Variants in DNAAF9 observed in about 807,000 individuals in gnomAD.
DNAAF9 encodes dynein axonemal assembly factor 9, also known as shulin.
DNAAF9 carries 90 observed loss-of-function variants against 167.0 expected under a neutral mutation model. The ratio of observed to expected loss-of-function variants is 0.54; its 90% CI spans 0.45 to 0.64. The LOEUF is 0.64. DNAAF9 is among the 30% of genes least tolerant of loss of function. The pLI is 0.00. For synonymous variants in DNAAF9, 491 were observed against 508.8 expected (o/e 0.96, Z 0.47); for missense variants, 1,315 against 1,442.2 (o/e 0.91, Z 1.43).
chr20:3,256,473 C>T (rs2068282600), intron 33 of DNAAF9, among the ~76,000 whole-genome samples: 1 of 152,138 alleles, frequency 6.6e-6, no homozygotes, highest in Non-Finnish European at 1.5e-5. Flanking sequence ...GATTGCGCCA[C>T]TGTACTCCAG....
intron 21 of DNAAF9, among the ~76,000 whole-genome samples, chr20:3,302,745 T>C (rs1000016298): frequency 3.9e-5 from 6 of 151,994 alleles, no homozygotes; most frequent in Non-Finnish European, 7.4e-5. Flanking sequence ...AACTAATATA[T>C]AGGGACAAAA....
At chr20:3,319,082 CA>C (rs71195834) in intron 16 of DNAAF9, among the ~76,000 whole-genome samples, 29,396 of 70,004 alleles carry the variant, frequency 0.42, 4,283 homozygotes, top group East Asian at 0.52. Flanking sequence ...GACTCTGTCT[CA>C]AAAAAAAAAA....
intron 1 of DNAAF9, among the ~76,000 whole-genome samples, chr20:3,387,056 T>C (rs1348413620): frequency 6.6e-6 from 1 of 152,190 alleles, no homozygotes; most frequent in Non-Finnish European, 1.5e-5. Flanking sequence ...CATGCATTGG[T>C]AGACAATATC....
chr20:3,304,097 G>T (rs191889707), intron 21 of DNAAF9, among the ~76,000 whole-genome samples: 110 of 152,346 alleles, frequency 7.2e-4, no homozygotes, highest in Non-Finnish European at 7.9e-4. Flanking sequence ...TTGAGCCCCT[G>T]GACCTGGAGG....
At chr20:3,361,271 G>A (rs1428417701) in intron 6 of DNAAF9, among the ~76,000 whole-genome samples, 1 of 152,182 alleles carries the variant, frequency 6.6e-6, no homozygotes, top group Admixed American at 6.5e-5. Flanking sequence ...TCAGAGGTGA[G>A]TGGAAGGGTT....
rs1491489182 is a variant in DNAAF9 at position 3,251,351 on chromosome 20, A to AT, written c.*1220dup. On this transcript the variant is annotated 3_prime_UTR_variant, in exon 37 of 37. Transcript: ENST00000252032. Reference sequence around the variant, plus strand: ...TTCTTCCTAAGGCATGCAAAAAAAAATATGTGAAATTCAGAAAACATTTAC... The same window carrying AT: ...TTCTTCCTAAGGCATGCAAAAAAAAATTATGTGAAATTCAGAAAACATTTAC... The AT allele has an allele frequency of 2.6e-5, 4 of 152,020 alleles. No individual in the cohort carries two copies. The highest frequency in any genetic ancestry group is 5.9e-5 in the Non-Finnish European group (4 of 67,990). The allele number at this position is 152,020 out of a possible 1,614,324, so 9.4% of individuals were successfully genotyped here. A position where few individuals can be genotyped will look rare whatever the true frequency, so the allele number is the denominator to read the frequency against.
In DNAAF9 at chr20:3,389,584, T is replaced by C. The variant is rs140128124; in HGVS notation, c.84-7078A>G. Reference sequence around the variant, plus strand: ...GAGTTTGAGACCAACATGTGCAACATAGCAAGACCCTGTCTCTACCAAAAA... The same window carrying C: ...GAGTTTGAGACCAACATGTGCAACACAGCAAGACCCTGTCTCTACCAAAAA... On this transcript the variant is annotated intron_variant, in intron 1 of 36. Coordinates refer to ENST00000252032, the MANE Select transcript of DNAAF9 (RefSeq NM_001009984.3). Among the ~76,000 whole-genome samples, 996 of 151,154 alleles carry C rather than the reference T, an allele frequency of 6.6e-3. 14 individuals carry two copies. Among genetic ancestry groups the C allele is most frequent in the African/African-American group, 0.022 (920 of 41,182 alleles).
chr20:3,340,433 T>TCCGGGGGGGGGGCCCCCCCCCCC, intron 10 of DNAAF9, 71 bp downstream of exon 10: 2 of 221,214 alleles, frequency 9.0e-6, no homozygotes, highest in East Asian at 1.2e-4. Context: ...TTTGTCTAGC[T>TCCGGGGGGGGGGCCCCCCCCCCC]CCCCCCACCC....
intron 35 of DNAAF9, 60 bp downstream of exon 35, chr20:3,255,159 C>T (rs887641045): frequency 1.9e-6 from 2 of 1,030,354 alleles, no homozygotes; most frequent in African/African-American, 3.2e-5. Flanking sequence ...AAATACAGAG[C>T]TAGGCAAGCC....
chr20:3,393,270 T>C (rs910121375), intron 1 of DNAAF9, among the ~76,000 whole-genome samples: 1 of 152,086 alleles, frequency 6.6e-6, no homozygotes, highest in Non-Finnish European at 1.5e-5. Context: ...CTCCGCCTCC[T>C]GGGTTCAAGT....
At chr20:3,364,533 G>C (rs1041466344) in intron 6 of DNAAF9, among the ~76,000 whole-genome samples, 4 of 152,080 alleles carry the variant, frequency 2.6e-5, no homozygotes, top group Non-Finnish European at 1.5e-5. Flanking sequence ...GTGAATTACA[G>C]GCATTCCTCA....
chr20:3,337,319 A>G lies in DNAAF9; in HGVS notation c.981+3185T>C, dbSNP rs1463856423. 2.7e-5 allele frequency among the ~76,000 whole-genome samples: 4 copies of G among 149,288 alleles called. No individual in the cohort carries two copies. In the South Asian group the frequency reaches 6.4e-4, roughly 24 times the overall value. ...TGCTCTGCTGCCCAGGCTGGAGTGC[A>G]GTGGCGTCATCTTGGCTCACTGCAA... is the stretch of plus-strand genomic sequence containing the variant. On this transcript the variant is annotated intron_variant, in intron 10 of 36. Coordinates refer to ENST00000252032, the MANE Select transcript of DNAAF9 (RefSeq NM_001009984.3).
intron 27 of DNAAF9, among the ~76,000 whole-genome samples, chr20:3,283,690 A>T (rs1268453463): frequency 6.6e-6 from 1 of 152,226 alleles, no homozygotes; most frequent in Non-Finnish European, 1.5e-5. Flanking sequence ...AATGGAGTTA[A>T]TGGATTTAAC....
chr20:3,293,666 CAAAAAAAAAAA>C (rs71195830), intron 25 of DNAAF9, among the ~76,000 whole-genome samples: 77 of 85,610 alleles, frequency 9.0e-4, no homozygotes, highest in Middle Eastern at 6.9e-3. Flanking sequence ...GCCTGGGTGA[CAAAAAAAAAAA>C]AAAAAAAAAA....
intron 7 of DNAAF9, among the ~76,000 whole-genome samples, chr20:3,355,938 T>C (rs899564450): frequency 4.6e-5 from 7 of 152,192 alleles, no homozygotes; most frequent in African/African-American, 1.7e-4. Flanking sequence ...TTAAGCTAAT[T>C]TCATTAAAAG....
At chr20:3,362,263 A>G (rs1235099967) in intron 6 of DNAAF9, 19 of 1,326,740 alleles carry the variant, frequency 1.4e-5, no homozygotes, top group Non-Finnish European at 1.9e-5. Flanking sequence ...GCTTTCTTCG[A>G]GTTCTTCCAA....
intron 1 of DNAAF9, among the ~76,000 whole-genome samples, chr20:3,399,207 T>C (rs2083950121): frequency 6.6e-6 from 1 of 152,124 alleles, no homozygotes; most frequent in South Asian, 2.1e-4. Context: ...CCATTCTCTT[T>C]TTCTTATTTA....
intron 1 of DNAAF9, among the ~76,000 whole-genome samples, chr20:3,402,372 GT>G (rs35729715): frequency 6.6e-6 from 1 of 151,106 alleles, no homozygotes; most frequent in African/African-American, 2.4e-5. Flanking sequence ...ACCTCACATA[GT>G]TTTTTTTTGA....
intron 20 of DNAAF9, among the ~76,000 whole-genome samples, chr20:3,314,568 A>C (rs1254506248): frequency 6.6e-6 from 1 of 152,192 alleles, no homozygotes. Flanking sequence ...CAGAGGCTCT[A>C]GATAAGAGCC....
Sources: gnomAD v4.1 joint callset for allele counts (sites outside exome capture counted in the v4.1 genomes callset) on GRCh38, gnomAD v4.1.1 for gene constraint, MANE v1.5 for transcripts, NCBI Gene and HGNC (gene_info 2026-07-23, HGNC 2026-07-21) for gene names.